C2CD5: variants seen among roughly 807,000 people sequenced by gnomAD.
C2CD5 encodes the protein C2 domain-containing protein 5.
In C2CD5, 109 loss-of-function variants were observed where a neutral mutation model predicts 130.3. The ratio of observed to expected loss-of-function variants is 0.84; its 90% CI spans 0.72 to 0.98. C2CD5 has a LOEUF of 0.98. C2CD5 is among the 50% of genes least tolerant of loss of function. C2CD5 has a pLI of 0.00. For missense variants in C2CD5, 996 were observed against 1,261.8 expected, an observed-to-expected ratio of 0.79 and a Z score of 3.19; for synonymous variants, 454 against 429.2, an observed-to-expected ratio of 1.06 and a Z score of -0.71.
chr12:22,467,324 T>G (rs1170876840), intron 22 of C2CD5, among the ~76,000 whole-genome samples: 1 of 151,960 alleles, frequency 6.6e-6, no homozygotes, highest in Non-Finnish European at 1.5e-5. Flanking sequence ...CACACCACCA[T>G]GCATGACTAA....
At chr12:22,498,205 C>A (rs1472229258) in intron 10 of C2CD5, among the ~76,000 whole-genome samples, 1 of 152,064 alleles carries the variant, frequency 6.6e-6, no homozygotes, top group African/African-American at 2.4e-5. Context: ...CCACCTATCT[C>A]CATTTAACTA....
intron 10 of C2CD5, among the ~76,000 whole-genome samples, chr12:22,501,468 C>T (rs1947786670): frequency 6.6e-6 from 1 of 152,096 alleles, no homozygotes. Context: ...GGTCAATATG[C>T]TCTCAATGTC....
intron 8 of C2CD5, chr12:22,514,969 C>G: frequency 2.0e-6 from 2 of 984,984 alleles, no homozygotes; most frequent in Non-Finnish European, 2.4e-6. Context: ...CAGAAGCAGC[C>G]AGGAACAGCT....
intron 12 of C2CD5, 43 bp downstream of exon 12, chr12:22,490,080 C>CT (rs1946147216): frequency 2.7e-6 from 4 of 1,460,546 alleles, no homozygotes; most frequent in Admixed American, 1.7e-5. Context: ...CGACCTCTCC[C>CT]TTCTCTGCCC....
intron 3 of C2CD5, among the ~76,000 whole-genome samples, chr12:22,530,614 C>A (rs902153904): frequency 6.6e-6 from 1 of 151,888 alleles, no homozygotes; most frequent in Non-Finnish European, 1.5e-5. Context: ...CACACCACCA[C>A]ACCCGGCTAA....
chr12:22,473,255 C>A (rs550218541), intron 16 of C2CD5, among the ~76,000 whole-genome samples: 1 of 152,228 alleles, frequency 6.6e-6, no homozygotes, highest in Admixed American at 6.5e-5. Flanking sequence ...AAATTCTATT[C>A]TTCTTACATC....
intron 9 of C2CD5, among the ~76,000 whole-genome samples, chr12:22,509,798 A>G (rs373518121): frequency 6.6e-6 from 1 of 152,210 alleles, no homozygotes; most frequent in East Asian, 1.9e-4. Flanking sequence ...AGGGCCTTTT[A>G]TTCCTAGATT....
chr12:22,463,890 TTA>T (rs1400298800), intron 22 of C2CD5: 1 of 152,212 alleles, frequency 6.6e-6, no homozygotes, highest in Non-Finnish European at 1.5e-5. Flanking sequence ...TCATTATAAT[TTA>T]TGTTTTATTT....
At chr12:22,474,428 AG>A (rs1453330621) in intron 16 of C2CD5, among the ~76,000 whole-genome samples, 1 of 152,204 alleles carries the variant, frequency 6.6e-6, no homozygotes, top group Non-Finnish European at 1.5e-5. Flanking sequence ...TAATAATTAT[AG>A]TAAGTTAAAG....
chr12:22,469,833 T>G, intron 21 of C2CD5, 38 bp from the exon 22 acceptor site: 2 of 1,245,782 alleles, frequency 1.6e-6, no homozygotes, highest in Non-Finnish European at 2.2e-6. Flanking sequence ...TTAGTAATGA[T>G]CTATTATTAA....
intron 16 of C2CD5, among the ~76,000 whole-genome samples, chr12:22,474,538 AACCATCTGC>A (rs1943548593): frequency 6.6e-6 from 1 of 152,174 alleles, no homozygotes; most frequent in Non-Finnish European, 1.5e-5. Context: ...ACTTTTTCAG[AACCATCTGC>A]ATTATTGTAT....
Position 22,517,994 on chromosome 12 carries a change from G to C in C2CD5, c.944C>G (p.Pro315Arg). 1.9e-6 allele frequency: 3 copies of C among 1,612,322 alleles called. No homozygotes were observed. The highest frequency in any genetic ancestry group is 2.5e-6 in the Non-Finnish European group (3 of 1,179,106). The change falls in exon 8 of 27, where the codon CCC becomes CGC. Residue 315 changes from proline to arginine, a missense_variant. Physicochemically the swap from Pro to Arg is moderately radical, Grantham distance 103 (BLOSUM62 -2). Around this residue, in one of 9 missense-constraint regions of C2CD5, gnomAD observed 156 missense variants for 165.9 expected, o/e 0.94. Coordinates refer to ENST00000446597, the MANE Select transcript of C2CD5 (RefSeq NM_001286176.2). ...SSSDTDLSLT[P>R]KTGMGSGSAG... ...GGGTGGAAGCGCCTTACCAGTTTTG[G>C]GTGTCAAACTCAAATCTGTGTCAGA...
chr12:22,486,162 T>C (rs7299030), intron 12 of C2CD5, among the ~76,000 whole-genome samples: 22,379 of 150,258 alleles, frequency 0.15, 3,234 homozygotes, highest in African/African-American at 0.38. Flanking sequence ...ACTTATCCTG[T>C]CTTTTTAAAA....
intron 12 of C2CD5, among the ~76,000 whole-genome samples, chr12:22,488,799 A>G (rs2136405420): frequency 1.3e-5 from 2 of 152,242 alleles, no homozygotes; most frequent in South Asian, 4.1e-4. Flanking sequence ...CCTCTAGTGA[A>G]TACCAGAACT....
chr12:22,482,495 T>A (rs1350471113), intron 14 of C2CD5, 62 bp downstream of exon 14: 3 of 1,360,138 alleles, frequency 2.2e-6, no homozygotes, highest in Non-Finnish European at 3.1e-6. Flanking sequence ...TTGAATCACA[T>A]AACATAGAAT....
Position 22,478,523 on chromosome 12 carries a change from A to G in C2CD5, c.1738-46T>C, listed in dbSNP as rs1337648697. Reference sequence around the variant, plus strand: ...AATAATCAGAAAAAATATCTACAGAATAACAGTCCTTAAGTTTTCATATTT... The same window carrying G: ...AATAATCAGAAAAAATATCTACAGAGTAACAGTCCTTAAGTTTTCATATTT... On this transcript the variant is annotated intron_variant, in intron 14 of 26. Coordinates refer to ENST00000446597, the MANE Select transcript of C2CD5 (RefSeq NM_001286176.2). The G allele has an allele frequency of 3.3e-6, 5 of 1,510,734 alleles. No individual in the cohort carries two copies. The East Asian group carries it at 9.3e-5, about 28-fold the overall frequency. The allele number at this position is 1,510,734 out of a possible 1,614,324, so 93.6% of individuals were successfully genotyped here.
At chr12:22,506,966 A>C (rs1948622814) in intron 9 of C2CD5, 147 bp from the exon 10 acceptor site, 1 of 568,116 alleles carries the variant, frequency 1.8e-6, no homozygotes, top group Non-Finnish European at 3.2e-6. Context: ...TGTAATTAAA[A>C]GTTTAATTAA....
chr12:22,458,622 A>T, intron 23 of C2CD5, 37 bp from the exon 24 acceptor site: 1 of 929,186 alleles, frequency 1.1e-6, no homozygotes, highest in Non-Finnish European at 1.4e-6. Flanking sequence ...AAAAAAACAA[A>T]GAAAAAAATA....
intron 9 of C2CD5, among the ~76,000 whole-genome samples, chr12:22,511,712 T>G (rs1245562518): frequency 6.6e-6 from 1 of 152,212 alleles, no homozygotes; most frequent in Non-Finnish European, 1.5e-5. Context: ...CTTAATATTT[T>G]TTTCCCTTAA....
Sources: allele counts gnomAD v4.1 joint callset (sites outside exome capture counted in the v4.1 genomes callset), GRCh38; gene constraint gnomAD v4.1.1; regional missense constraint gnomAD v4.1.1; transcripts MANE v1.5; gene names NCBI Gene and HGNC (gene_info 2026-07-23, HGNC 2026-07-21).